Variants in TIMM23B observed in about 807,000 individuals in gnomAD.
TIMM23B encodes mitochondrial import inner membrane translocase subunit Tim23B.
Under a neutral mutation model 27.3 loss-of-function variants are expected in TIMM23B, and 27 were observed. The observed-to-expected ratio is 0.99, with a 90% CI of 0.73 to 1.36. The LOEUF is 1.36. TIMM23B is among the 40% of genes most tolerant of loss of function. The pLI is 0.00. For missense variants in TIMM23B, 205 were observed against 244.2 expected (o/e 0.84, Z 1.07); for synonymous variants, 73 against 92.4 (o/e 0.79, Z 1.21).
At chr10:49,962,339 A>G (rs1304381040) in intron 6 of TIMM23B, among the ~76,000 whole-genome samples, 2 of 151,664 alleles carry the variant, frequency 1.3e-5, no homozygotes, top group South Asian at 4.1e-4. Flanking sequence ...AGTAGCTGGG[A>G]TTACAGATGC....
At position 49,942,706 on chromosome 10, in the gene TIMM23B, C is replaced by T. The variant is rs1839176889; in HGVS notation, c.106+406C>T. On this transcript the variant is annotated intron_variant, in intron 1 of 6. Transcript: ENST00000651259. ...GACATATTCTGAGCCTCCAAGTAGCCGTAAGGGCAGAATATTCAGTAATAT... is the reference window on the plus strand; with the variant it reads ...GACATATTCTGAGCCTCCAAGTAGCTGTAAGGGCAGAATATTCAGTAATAT... Among the ~76,000 whole-genome samples, 3 of 152,064 alleles carry T rather than the reference C, an allele frequency of 2.0e-5. No individual in the cohort carries two copies. In the South Asian group the frequency reaches 6.2e-4, roughly 32 times the overall value.
At chr10:49,964,686 G>T (rs1280743271) in intron 6 of TIMM23B, among the ~76,000 whole-genome samples, 1 of 152,106 alleles carries the variant, frequency 6.6e-6, no homozygotes, top group Admixed American at 6.6e-5. Flanking sequence ...AATGCCAGGT[G>T]CAGTGGCACA....
At chr10:49,945,591 G>T (rs1463925942) in intron 2 of TIMM23B, among the ~76,000 whole-genome samples, 2 of 152,154 alleles carry the variant, frequency 1.3e-5, no homozygotes, top group African/African-American at 4.8e-5. Flanking sequence ...ATGTTGGCCA[G>T]GCTCCCAAAG....
At chr10:49,960,281 G>C (rs1239060304) in intron 6 of TIMM23B, among the ~76,000 whole-genome samples, 1 of 150,094 alleles carries the variant, frequency 6.7e-6, no homozygotes, top group Non-Finnish European at 1.5e-5. Flanking sequence ...GAACTCCTGG[G>C]CTCAAGCAGT....
In TIMM23B at chr10:49,972,309, T is replaced by C. The variant is rs569318629; in HGVS notation, c.515-703T>C. On this transcript the variant is annotated intron_variant, in intron 6 of 6. Transcript: ENST00000651259. Reference sequence around the variant, plus strand: ...CTTTAGGACAGCGTGAGTCACAGGTTGCACTAGAAGTTGCCTTTGAAATTA... The same window carrying C: ...CTTTAGGACAGCGTGAGTCACAGGTCGCACTAGAAGTTGCCTTTGAAATTA... Among the ~76,000 whole-genome samples, 20 of 152,230 alleles carry C rather than the reference T, an allele frequency of 1.3e-4. No homozygotes were observed. In the East Asian group the frequency reaches 3.9e-3, roughly 29 times the overall value.
intron 4 of TIMM23B, chr10:49,954,285 TCTC>T (rs1379845483): frequency 6.8e-6 from 3 of 441,580 alleles, no homozygotes; most frequent in African/African-American, 6.0e-5. Context: ...AAGAATGTCT[TCTC>T]TTCATCCAGT....
intron 5 of TIMM23B, among the ~76,000 whole-genome samples, chr10:49,956,597 C>T (rs1366455459): frequency 1.4e-5 from 2 of 146,528 alleles, no homozygotes; most frequent in African/African-American, 4.9e-5. Flanking sequence ...CTGAATTCTT[C>T]CAGGCGTTTC....
At chr10:49,950,153 C>A (rs1316193336) in intron 2 of TIMM23B, among the ~76,000 whole-genome samples, 6 of 150,594 alleles carry the variant, frequency 4.0e-5, no homozygotes, top group African/African-American at 1.2e-4. Context: ...ATATTTTTAA[C>A]ATCCATAGTG....
intron 6 of TIMM23B, among the ~76,000 whole-genome samples, chr10:49,967,473 T>G (rs1840215359): frequency 6.6e-6 from 1 of 151,342 alleles, no homozygotes; most frequent in African/African-American, 2.4e-5. Flanking sequence ...TGATTTGCCT[T>G]TGTTAGAGTG....
At position 49,965,462 on chromosome 10, in the gene TIMM23B, C is replaced by T. The variant is rs1197538519; in HGVS notation, c.514+6982C>T. ...AAAAAATGAAATAATAATGAAATGC[C>T]GGGTGTGGTGGTGCACTCCAGACTG... is the stretch of plus-strand genomic sequence containing the variant. On this transcript the variant is annotated intron_variant, in intron 6 of 6. Transcript: ENST00000651259. Among the ~76,000 whole-genome samples, 9 of 143,728 alleles carry T rather than the reference C, an allele frequency of 6.3e-5. No individual in the cohort carries two copies. The East Asian group carries it at 1.7e-3, about 26-fold the overall frequency. 94.3% of individuals were successfully genotyped at this position (143,728 alleles called of 152,430 possible).
intron 6 of TIMM23B, among the ~76,000 whole-genome samples, chr10:49,962,207 CTTT>C (rs879018940): frequency 7.0e-6 from 1 of 143,174 alleles, no homozygotes; most frequent in Admixed American, 6.9e-5. Context: ...CTTTTTTTTG[CTTT>C]TTTTTTTTTT....
chr10:49,970,255 C>G (rs545183295), intron 6 of TIMM23B: 1 of 152,046 alleles, frequency 6.6e-6, no homozygotes, highest in East Asian at 2.0e-4. Context: ...GGCCGCCCAT[C>G]GTCTGGGATG....
chr10:49,944,935 A>C (rs1364164230), intron 1 of TIMM23B, 97 bp from the exon 2 acceptor site: 23 of 1,506,166 alleles, frequency 1.5e-5, no homozygotes, highest in Non-Finnish European at 2.1e-5. Context: ...GAGCCTATAA[A>C]AATTGCAAAC....
chr10:49,964,307 TTGAAA>T (rs782153148), intron 6 of TIMM23B, among the ~76,000 whole-genome samples: 26 of 151,576 alleles, frequency 1.7e-4, no homozygotes, highest in South Asian at 6.2e-4. Flanking sequence ...CGTCTCCGTC[TTGAAA>T]TGAAATGAAA....
At chr10:49,965,346 A>G (rs1490284337) in intron 6 of TIMM23B, among the ~76,000 whole-genome samples, 12 of 151,518 alleles carry the variant, frequency 7.9e-5, no homozygotes, top group Admixed American at 7.2e-4. Context: ...GAAATATGAA[A>G]TGAATAATGA....
At chr10:49,969,266 G>A (rs1428567351) in intron 6 of TIMM23B, among the ~76,000 whole-genome samples, 1 of 152,120 alleles carries the variant, frequency 6.6e-6, no homozygotes, top group African/African-American at 2.4e-5. Context: ...GCAATATGGT[G>A]AAACCCTGTC....
intron 5 of TIMM23B, among the ~76,000 whole-genome samples, chr10:49,955,761 T>C (rs1226649141): frequency 1.3e-5 from 2 of 152,160 alleles, no homozygotes; most frequent in East Asian, 1.9e-4. Context: ...ATTGAAAACA[T>C]AGAAAAAGCG....
Position 49,958,565 on chromosome 10 carries a change from C to G in TIMM23B, c.514+85C>G, listed in dbSNP as rs1839797492. ...TCATGGTTTTCAAGGAAATTACACTCTGTTGCAGTATAATCTAGTGTTCTA... is the reference window on the plus strand; with the variant it reads ...TCATGGTTTTCAAGGAAATTACACTGTGTTGCAGTATAATCTAGTGTTCTA... On this transcript the variant is annotated intron_variant, in intron 6 of 6. Coordinates refer to ENST00000651259, the MANE Select transcript of TIMM23B (RefSeq NM_001290117.2). 7 of 1,073,150 alleles carry G rather than the reference C, an allele frequency of 6.5e-6. No homozygotes were observed. In the South Asian group the frequency reaches 9.3e-5, roughly 14 times the overall value. 66.5% of individuals were successfully genotyped at this position (1,073,150 alleles called of 1,614,324 possible).
intron 4 of TIMM23B, among the ~76,000 whole-genome samples, chr10:49,953,937 G>T: frequency 6.6e-6 from 1 of 152,150 alleles, no homozygotes; most frequent in East Asian, 1.9e-4. Flanking sequence ...TACAAATTTG[G>T]AAGTAGATCT....
Sources: gnomAD v4.1 joint callset for allele counts (sites outside exome capture counted in the v4.1 genomes callset) on GRCh38, gnomAD v4.1.1 for gene constraint, MANE v1.5 for transcripts, NCBI Gene and HGNC (gene_info 2026-07-23, HGNC 2026-07-21) for gene names.